The following DPP4 variants were observed in gnomAD, a reference collection of about 807,000 sequenced individuals.
The protein encoded by DPP4 is dipeptidyl peptidase 4, also known as ADCP-2.
DPP4 carries 93 observed loss-of-function variants against 122.4 expected under a neutral mutation model. The ratio of observed to expected loss-of-function variants is 0.76; its 90% CI spans 0.64 to 0.90. DPP4 has a LOEUF of 0.90. DPP4 is among the 40% of genes least tolerant of loss of function. DPP4 has a pLI of 0.00. For synonymous variants in DPP4, 321 were observed against 302.9 expected (o/e 1.06, Z -0.62); for missense variants, 914 against 907.3 (o/e 1.01, Z -0.09).
chr2:162,007,589 T>G (rs906450132), intron 22 of DPP4, among the ~76,000 whole-genome samples: 4 of 152,154 alleles, frequency 2.6e-5, no homozygotes, highest in African/African-American at 9.7e-5. Flanking sequence ...TGAAGTTTTC[T>G]TCTCATTTCA....
intron 10 of DPP4, among the ~76,000 whole-genome samples, chr2:162,025,689 T>C (rs1363595501): frequency 2.0e-5 from 3 of 152,180 alleles, no homozygotes; most frequent in Non-Finnish European, 4.4e-5. Flanking sequence ...TCCCTCACAT[T>C]ATTGGCAATG....
chr2:162,048,646 T>C (rs1684273126), intron 2 of DPP4, among the ~76,000 whole-genome samples: 1 of 152,194 alleles, frequency 6.6e-6, no homozygotes, highest in Non-Finnish European at 1.5e-5. Context: ...TTCTCTGCAG[T>C]GTCTTCCCTG....
chr2:162,003,456 G>C (rs189809407), intron 23 of DPP4, among the ~76,000 whole-genome samples: 255 of 152,304 alleles, frequency 1.7e-3, no homozygotes, highest in African/African-American at 5.7e-3. Flanking sequence ...GATGTTATTT[G>C]AGGAGGTAGG....
chr2:162,052,438 G>A (rs1049451375), intron 2 of DPP4, among the ~76,000 whole-genome samples: 3 of 151,664 alleles, frequency 2.0e-5, no homozygotes, highest in Admixed American at 1.3e-4. Context: ...CAATGCCTTC[G>A]ATGGGGTGGG....
At chr2:162,026,081 A>G (rs1683322224) in intron 10 of DPP4, among the ~76,000 whole-genome samples, 1 of 152,172 alleles carries the variant, frequency 6.6e-6, no homozygotes, top group South Asian at 2.1e-4. Flanking sequence ...TCATATTGTC[A>G]TACTGAAGGA....
chr2:162,012,581 T>C (rs1682741583), intron 19 of DPP4, among the ~76,000 whole-genome samples: 1 of 152,108 alleles, frequency 6.6e-6, no homozygotes, highest in African/African-American at 2.4e-5. Flanking sequence ...GGGCATGTCA[T>C]TGGGCATTCT....
chr2:161,992,487 G>C lies in DPP4; in HGVS notation c.*796C>G, dbSNP rs1350516367. 1 of 152,614 alleles carries C rather than the reference G, an allele frequency of 6.6e-6. No individual in the cohort carries two copies. The allele number at this position is 152,614 out of a possible 1,614,324, so 9.5% of individuals were successfully genotyped here. On this transcript the variant is annotated 3_prime_UTR_variant, in exon 26 of 26. Coordinates refer to ENST00000360534, the MANE Select transcript of DPP4 (RefSeq NM_001935.4). ...TCATCTTTTAACAGGGCAAGCTGATGTGTTCACATCTCAGTTTCAAGCTGC... is the reference window on the plus strand; with the variant it reads ...TCATCTTTTAACAGGGCAAGCTGATCTGTTCACATCTCAGTTTCAAGCTGC...
chr2:162,039,406 C>T lies in DPP4; in HGVS notation c.367-222G>A, dbSNP rs568676274. ...CATCTACAACCTAGCTCTGGCACCA[C>T]CTCCTCCAGGACCACAGTGCACCAA... On this transcript the variant is annotated intron_variant, in intron 5 of 25. Transcript: ENST00000360534. 1.6e-4 allele frequency among the ~76,000 whole-genome samples: 24 copies of T among 152,166 alleles called. No individual in the cohort carries two copies. The South Asian group carries it at 5.0e-3, about 32-fold the overall frequency.
At chr2:162,036,245 G>A (rs1683764484) in intron 8 of DPP4, among the ~76,000 whole-genome samples, 1 of 152,184 alleles carries the variant, frequency 6.6e-6, no homozygotes, top group African/African-American at 2.4e-5. Flanking sequence ...GGGAAATCAT[G>A]CATTCTAATC....
chr2:162,066,993 A>T (rs1472081045), intron 2 of DPP4, among the ~76,000 whole-genome samples: 1 of 152,294 alleles, frequency 6.6e-6, no homozygotes, highest in African/African-American at 2.4e-5. Flanking sequence ...TGGAGGGGAC[A>T]AATACGCAAT....
At chr2:162,008,271 G>T (rs1432572010) in intron 22 of DPP4, among the ~76,000 whole-genome samples, 3 of 152,072 alleles carry the variant, frequency 2.0e-5, no homozygotes, top group Admixed American at 6.5e-5. Flanking sequence ...TCAAATCAGA[G>T]TAAAGATAAG....
At chr2:162,058,569 T>G (rs1007102482) in intron 2 of DPP4, among the ~76,000 whole-genome samples, 8 of 152,196 alleles carry the variant, frequency 5.3e-5, no homozygotes, top group Admixed American at 4.6e-4. Flanking sequence ...TATTTAATCG[T>G]TTTTCTGAAT....
At chr2:162,052,354 G>A (rs1334405282) in intron 2 of DPP4, among the ~76,000 whole-genome samples, 2 of 151,386 alleles carry the variant, frequency 1.3e-5, no homozygotes, top group African/African-American at 4.9e-5. Flanking sequence ...TGGAGGACAG[G>A]GGCGCTGGAG....
At chr2:161,995,122 G>T (rs1700966769) in intron 24 of DPP4, 88 bp from the exon 25 acceptor site, 2 of 1,471,976 alleles carry the variant, frequency 1.4e-6, no homozygotes, top group East Asian at 2.3e-5. Flanking sequence ...AGAAGAAAGG[G>T]ACTGTTTGAA....
rs1421810560 is a variant in DPP4 at position 161,995,384 on chromosome 2, A to G, written c.2053-12T>C. 1 of 1,607,704 alleles carries G rather than the reference A, an allele frequency of 6.2e-7. No individual in the cohort carries two copies. Among genetic ancestry groups the G allele is most frequent in the East Asian group, 2.2e-5 (1 of 44,844 alleles). On this transcript the variant is annotated splice_polypyrimidine_tract_variant and intron_variant, in intron 23 of 25. Transcript: ENST00000360534. The stretch of plus-strand genomic sequence containing the variant: ...ATGACTGTTGAATTCTGGAATTGGG[A>G]GAAAGAATGTCATTATTCAAAAAAG...
At chr2:162,044,086 C>G (rs942037465) in intron 5 of DPP4, among the ~76,000 whole-genome samples, 2 of 152,130 alleles carry the variant, frequency 1.3e-5, no homozygotes, top group African/African-American at 4.8e-5. Flanking sequence ...GTTTACTGAT[C>G]TGGGGATTGA....
At chr2:161,996,024 T>C (rs1054612911) in intron 23 of DPP4, among the ~76,000 whole-genome samples, 6 of 152,052 alleles carry the variant, frequency 3.9e-5, no homozygotes, top group Non-Finnish European at 8.8e-5. Context: ...ATTCTGTCTA[T>C]TAGAGGAGAT....
chr2:162,006,969 G>T (rs887935561), intron 22 of DPP4, among the ~76,000 whole-genome samples: 1 of 151,906 alleles, frequency 6.6e-6, no homozygotes, highest in South Asian at 2.1e-4. Flanking sequence ...TGAATGACTG[G>T]TATTGTAGAT....
chr2:162,053,814 C>G (rs1415589282), intron 2 of DPP4, among the ~76,000 whole-genome samples: 1 of 152,246 alleles, frequency 6.6e-6, no homozygotes, highest in Non-Finnish European at 1.5e-5. Flanking sequence ...CAAAAGATTC[C>G]TCAGAAAGGC....
Sources: allele counts gnomAD v4.1 joint callset (sites outside exome capture counted in the v4.1 genomes callset), GRCh38; gene constraint gnomAD v4.1.1; transcripts MANE v1.5; gene names NCBI Gene and HGNC (gene_info 2026-07-23, HGNC 2026-07-21).